Variants in APBB1 observed in about 807,000 individuals in gnomAD.
APBB1 encodes adaptor protein FE65a2.
Under a neutral mutation model 78.4 loss-of-function variants are expected in APBB1, and 22 were observed. The observed-to-expected ratio is 0.28, with a 90% CI of 0.20 to 0.40. APBB1 has a LOEUF of 0.40. Among genes scored for constraint, APBB1 ranks in the 10% least tolerant of loss-of-function variants. The pLI is 1.00. For synonymous variants in APBB1, 369 were observed against 372.7 expected, an observed-to-expected ratio of 0.99 and a Z score of 0.12; for missense variants, 749 against 932.4, an observed-to-expected ratio of 0.80 and a Z score of 2.56.
intron 2 of APBB1, among the ~76,000 whole-genome samples, chr11:6,406,349 C>G (rs1040666437): frequency 6.6e-6 from 1 of 152,114 alleles, no homozygotes; most frequent in African/African-American, 2.4e-5. Context: ...TAAAGCTTTC[C>G]CCTTCTCTCC....
At chr11:6,407,341 T>G (rs1176603459) in intron 2 of APBB1, among the ~76,000 whole-genome samples, 1 of 152,034 alleles carries the variant, frequency 6.6e-6, no homozygotes, top group East Asian at 1.9e-4. Context: ...AGCAGTACTA[T>G]CCCCCTACTC....
At chr11:6,404,666 A>G (rs1340959714) in intron 2 of APBB1, 1 of 1,536,150 alleles carries the variant, frequency 6.5e-7, no homozygotes, top group Admixed American at 2.0e-5. Flanking sequence ...CAACCCTGTA[A>G]CCCGCTCATG....
Position 6,395,313 on chromosome 11 carries a change from C to T in APBB1, c.*221G>A. The T allele has an allele frequency of 2.2e-6, 1 of 446,264 alleles. No homozygotes were observed. The highest frequency in any genetic ancestry group is 3.9e-6 in the Non-Finnish European group (1 of 258,378). The allele number at this position is 446,264 out of a possible 1,614,324, so 27.6% of individuals were successfully genotyped here. A position where few individuals can be genotyped will look rare whatever the true frequency, so the allele number is the denominator to read the frequency against. Reference sequence around the variant, plus strand: ...CATGGGGATGGAGAACCAGGGCTGGCCTTGCTTCCTGCTCCTCTTGTTACC... The same window carrying T: ...CATGGGGATGGAGAACCAGGGCTGGTCTTGCTTCCTGCTCCTCTTGTTACC... On this transcript the variant is annotated 3_prime_UTR_variant, in exon 15 of 15. Coordinates refer to ENST00000609360, the MANE Select transcript of APBB1 (RefSeq NM_001164.5). The surrounding 1 kb of genome is among the most constrained non-coding windows in gnomAD (Gnocchi z 5.2).
chr11:6,395,903 T>C lies in APBB1; in HGVS notation c.1848A>G (p.Arg616=). Reference sequence around the variant, plus strand: ...TGATGAATGCAAACGTGTGGACATCTCTGCCCACGGCCAGGAAGGAGAGGA... The same window carrying C: ...TGATGAATGCAAACGTGTGGACATCCCTGCCCACGGCCAGGAAGGAGAGGA... The part of the protein sequence containing the change: ...VRFLSFLAVG[R]DVHTFAFIMA... The change falls in exon 14 of 15, where the codon AGA becomes AGG. Residue 616 remains arginine (R), a synonymous_variant. Coordinates refer to ENST00000609360, the MANE Select transcript of APBB1 (RefSeq NM_001164.5). The surrounding 1 kb of genome is among the most constrained non-coding windows in gnomAD (Gnocchi z 5.2). 6.2e-7 allele frequency: 1 copy of C among 1,613,954 alleles called. No individual in the cohort carries two copies. The highest frequency in any genetic ancestry group is 8.5e-7 in the Non-Finnish European group (1 of 1,179,994).
Position 6,401,520 on chromosome 11 carries a change from A to C in APBB1, c.1503+54T>G, listed in dbSNP as rs1323246286. On this transcript the variant is annotated intron_variant, in intron 10 of 14. Coordinates refer to ENST00000609360, the MANE Select transcript of APBB1 (RefSeq NM_001164.5). The surrounding 1 kb of genome is among the most constrained non-coding windows in gnomAD (Gnocchi z 4.5). Reference sequence around the variant, plus strand: ...CCTACAGCACTCAGTGACCCCACCCACACCCTTGTAGAGCAAAGGTGGCAA... The same window carrying C: ...CCTACAGCACTCAGTGACCCCACCCCCACCCTTGTAGAGCAAAGGTGGCAA... The C allele has an allele frequency of 1.2e-6, 2 of 1,613,556 alleles. No individual in the cohort carries two copies. The highest frequency in any genetic ancestry group is 1.7e-5 in the Admixed American group (1 of 59,946).
rs1479748097 is a variant in APBB1, at chr11:6,419,003, G to C, written c.-33C>G. On this transcript the variant is annotated 5_prime_UTR_variant, in exon 1 of 15. Coordinates refer to ENST00000609360, the MANE Select transcript of APBB1 (RefSeq NM_001164.5). ...CTCCTACCTGCGCGGTGAGGCCCCG[G>C]GCCCAGATGACGGAGGTGGCTCAGG... is the stretch of plus-strand genomic sequence containing the variant. The C allele has an allele frequency of 5.1e-6, 2 of 393,290 alleles. No homozygotes were observed. Among genetic ancestry groups the C allele is most frequent in the Non-Finnish European group, 9.0e-6 (2 of 222,588 alleles). The allele number at this position is 393,290 out of a possible 1,614,324, so 24.4% of individuals were successfully genotyped here. A position where few individuals can be genotyped will look rare whatever the true frequency, so the allele number is the denominator to read the frequency against.
In APBB1 at chr11:6,395,248, G is replaced by C. The variant is rs1316679949; in HGVS notation, c.*286C>G. The C allele has an allele frequency of 2.9e-6, 1 of 340,466 alleles. No homozygotes were observed. The highest frequency in any genetic ancestry group is 4.8e-5 in the East Asian group (1 of 20,832). 21.1% of individuals were successfully genotyped at this position (340,466 alleles called of 1,614,324 possible). ...GCCCCTGCTGGGTCCAGGAGGATGA[G>C]GCCTGGCCTGGACCAGTTCCTCCTG... On this transcript the variant is annotated 3_prime_UTR_variant, in exon 15 of 15. Coordinates refer to ENST00000609360, the MANE Select transcript of APBB1 (RefSeq NM_001164.5). The surrounding 1 kb of genome is among the most constrained non-coding windows in gnomAD (Gnocchi z 5.2).
chr11:6,416,754 T>C (rs1849128585), intron 1 of APBB1, among the ~76,000 whole-genome samples: 1 of 152,092 alleles, frequency 6.6e-6, no homozygotes, highest in Non-Finnish European at 1.5e-5. Context: ...CCTTTTTTTT[T>C]TTTTTGCGAT....
In APBB1 at chr11:6,403,451, C is replaced by A; in HGVS notation, c.954+37G>T. ...TCAGTATCAAAATGATGCCCCTCCT[C>A]CAGCTATCCCGTGGTAAAGCAGGTC... On this transcript the variant is annotated intron_variant, in intron 4 of 14. Coordinates refer to ENST00000609360, the MANE Select transcript of APBB1 (RefSeq NM_001164.5). The surrounding 1 kb of genome is among the most constrained non-coding windows in gnomAD (Gnocchi z 5.3). 6 of 1,614,204 alleles carry A rather than the reference C, an allele frequency of 3.7e-6. No homozygotes were observed. The highest frequency in any genetic ancestry group is 5.1e-6 in the Non-Finnish European group (6 of 1,180,014).
At chr11:6,405,601 T>C (rs1265312748) in intron 2 of APBB1, 1 of 985,818 alleles carries the variant, frequency 1.0e-6, no homozygotes, top group African/African-American at 1.7e-5. Context: ...TACGCCAAGG[T>C]GGCTGCACAC....
rs1848136707 is a variant in APBB1 at position 6,395,163 on chromosome 11, A to G, written c.*371T>C. On this transcript the variant is annotated 3_prime_UTR_variant, in exon 15 of 15. Coordinates refer to ENST00000609360, the MANE Select transcript of APBB1 (RefSeq NM_001164.5). This position sits in a 1 kb window ranked among gnomAD's most constrained non-coding sequence, Gnocchi z 5.2. ...ACTTTATTAGTGATATCAATACAGC[A>G]GAGGTGCCCATGGAGCAGGGGGAAG... 1 of 236,852 alleles carries G rather than the reference A, an allele frequency of 4.2e-6. No homozygotes were observed. Among genetic ancestry groups the G allele is most frequent in the South Asian group, 1.0e-4 (1 of 10,036 alleles). The allele number at this position is 236,852 out of a possible 1,614,324, so 14.7% of individuals were successfully genotyped here.
At chr11:6,405,161 G>C in intron 2 of APBB1, 2 of 1,191,508 alleles carry the variant, frequency 1.7e-6, no homozygotes, top group Non-Finnish European at 2.1e-6. Context: ...CCCAGTCTTA[G>C]GGATACCAGG....
At chr11:6,409,515 C>A (rs577819937) in intron 2 of APBB1, among the ~76,000 whole-genome samples, 24 of 152,130 alleles carry the variant, frequency 1.6e-4, no homozygotes, top group Admixed American at 2.6e-4. Context: ...GCTCATTATT[C>A]TTTTCTCTCT....
intron 2 of APBB1, among the ~76,000 whole-genome samples, chr11:6,406,058 C>A (rs2134089494): frequency 6.6e-6 from 1 of 152,342 alleles, no homozygotes; most frequent in South Asian, 2.1e-4. Context: ...TCCTTCCGAT[C>A]TGTCCTGGAA....
intron 2 of APBB1, among the ~76,000 whole-genome samples, chr11:6,409,918 C>G (rs868276729): frequency 3.3e-5 from 5 of 152,336 alleles, no homozygotes; most frequent in Middle Eastern, 3.4e-3. Context: ...ATATCCTACT[C>G]CTGACAAAAC....
intron 2 of APBB1, among the ~76,000 whole-genome samples, chr11:6,406,184 G>A (rs72896294): frequency 1.5e-4 from 23 of 152,238 alleles, no homozygotes; most frequent in African/African-American, 4.1e-4. Context: ...ATTCCAGAAC[G>A]CACACCTTCA....
intron 2 of APBB1, 48 bp downstream of exon 2, chr11:6,410,579 T>C (rs1183902601): frequency 3.4e-6 from 5 of 1,486,286 alleles, no homozygotes; most frequent in Non-Finnish European, 3.6e-6. Context: ...AGTCCTAACC[T>C]CTGCCCTCAC....
In APBB1 at chr11:6,410,949, T is replaced by G; in HGVS notation, c.399A>C (p.Arg133=). The G allele has an allele frequency of 6.2e-7, 1 of 1,614,218 alleles. No individual in the cohort carries two copies. The change falls in exon 2 of 15, where the codon CGA becomes CGC. Residue 133 remains arginine (R), a synonymous_variant. Transcript: ENST00000609360. Reference sequence around the variant, plus strand: ...GAGTGCTGATGATCAGGCCAGGTCCTCGTAGGCCTCGGTTGGCTGCGTTGT... The same window carrying G: ...GAGTGCTGATGATCAGGCCAGGTCCGCGTAGGCCTCGGTTGGCTGCGTTGT... ...SAHNAANRGL[R]GPGLIISTQE...
intron 12 of APBB1, 89 bp downstream of exon 12, chr11:6,400,900 T>C: frequency 8.3e-7 from 1 of 1,200,780 alleles, no homozygotes; most frequent in Admixed American, 1.7e-5. Flanking sequence ...ATGAGGAAGG[T>C]CTGGTAGAAG....
Sources: gnomAD v4.1 joint callset for allele counts (sites outside exome capture counted in the v4.1 genomes callset) on GRCh38, gnomAD v4.1.1 for gene constraint, Gnocchi (gnomAD v3.1) non-coding constraint, MANE v1.5 for transcripts, NCBI Gene and HGNC (gene_info 2026-07-23, HGNC 2026-07-21) for gene names.